The following MMEL1 variants were observed in gnomAD, a reference collection of about 807,000 sequenced individuals.
MMEL1 encodes the protein membrane metallo-endopeptidase-like 1.
MMEL1 carries 98 observed loss-of-function variants against 117.1 expected under a neutral mutation model. The ratio of observed to expected loss-of-function variants is 0.84; its 90% CI spans 0.71 to 0.99. MMEL1 has a LOEUF of 0.99. Ranked by LOEUF, MMEL1 falls within the 50% of genes least tolerant of loss-of-function variation. MMEL1 has a pLI of 0.00. For synonymous variants in MMEL1, 390 were observed against 415.1 expected (o/e 0.94, Z 0.74); for missense variants, 1,014 against 1,049.1 (o/e 0.97, Z 0.46).
chr1:2,598,154 G>C, intron 13 of MMEL1, 53 bp downstream of exon 13: 3 of 1,504,174 alleles, frequency 2.0e-6, no homozygotes, highest in Non-Finnish European at 2.8e-6. Context: ...GCTCAGCATC[G>C]TGGCCTGAAT....
rs925860743 is a variant in MMEL1, at chr1:2,612,466, CCA to C, written c.155-264_155-263del. Among the ~76,000 whole-genome samples the C allele has an allele frequency of 3.2e-4, 49 of 152,246 alleles. No homozygotes were observed. The highest frequency in any genetic ancestry group is 1.1e-3 in the African/African-American group (44 of 41,528). On this transcript the variant is annotated intron_variant, in intron 2 of 23. Coordinates refer to ENST00000378412, the MANE Select transcript of MMEL1 (RefSeq NM_033467.4). This position sits in a 1 kb window ranked among gnomAD's most constrained non-coding sequence, Gnocchi z 5.4. Reference sequence around the variant, plus strand: ...CCAGCCCCACCCTTTAATTCTCCCTCCACCCACCCCAAGGTCCCCGATGTGCC... The same window carrying C: ...CCAGCCCCACCCTTTAATTCTCCCTCCCCACCCCAAGGTCCCCGATGTGCC...
intron 13 of MMEL1, 64 bp from the exon 14 acceptor site, chr1:2,596,753 C>T (rs1412182204): frequency 2.5e-6 from 4 of 1,592,562 alleles, no homozygotes; most frequent in African/African-American, 2.7e-5. Context: ...TGGCGTGGGG[C>T]CCTGGGCTTA....
chr1:2,618,746 A>G (rs1645242992), intron 2 of MMEL1, among the ~76,000 whole-genome samples: 1 of 152,256 alleles, frequency 6.6e-6, no homozygotes, highest in Admixed American at 6.5e-5. Flanking sequence ...TCTCAGCCCA[A>G]TAACACAGGA....
intron 6 of MMEL1, among the ~76,000 whole-genome samples, chr1:2,608,672 TACAC>T (rs1327330149): frequency 6.6e-6 from 1 of 151,538 alleles, no homozygotes; most frequent in Non-Finnish European, 1.5e-5. Flanking sequence ...ACCCATAGAA[TACAC>T]ACATATACAC....
In MMEL1 at chr1:2,612,363, T is replaced by C; in HGVS notation, c.155-159A>G. ...GTCCCCAGGGCAGCGAGACAGGAGA[T>C]CCACAGAGTTCACTGCAGGGGCCAG... is the stretch of plus-strand genomic sequence containing the variant. On this transcript the variant is annotated intron_variant, in intron 2 of 23. Transcript: ENST00000378412. The surrounding 1 kb of genome is among the most constrained non-coding windows in gnomAD (Gnocchi z 5.4). Among the ~76,000 whole-genome samples, 1 of 152,076 alleles carries C rather than the reference T, an allele frequency of 6.6e-6. No individual in the cohort carries two copies.
chr1:2,607,050 G>T lies in MMEL1; in HGVS notation c.555C>A (p.Gly185=). The change falls in exon 7 of 24, where the codon GGC becomes GGA. Residue 185 remains glycine (G), a synonymous_variant. Transcript: ENST00000378412. ...CMNQSVIEKR[G]SQPLLDILEV... ...CCAAGATGTCCAGCAGGGGCTGAGAGCCTCGCTTCTCTATCACACCTGAGA... is the reference window on the plus strand; with the variant it reads ...CCAAGATGTCCAGCAGGGGCTGAGATCCTCGCTTCTCTATCACACCTGAGA... 1 of 1,613,218 alleles carries T rather than the reference G, an allele frequency of 6.2e-7. No homozygotes were observed.
At position 2,595,614 on chromosome 1, in the gene MMEL1, C is replaced by T. The variant is rs1042739675; in HGVS notation, c.1501-255G>A. On this transcript the variant is annotated intron_variant, in intron 15 of 23. Transcript: ENST00000378412. This position sits in a 1 kb window ranked among gnomAD's most constrained non-coding sequence, Gnocchi z 4.8. ...AGAGCCCAACAGCCCGCCAGGGGTC[C>T]GGGTGGGGGCAGGGGCCCTGGAGGG... Among the ~76,000 whole-genome samples the T allele has an allele frequency of 5.3e-5, 8 of 152,192 alleles. No individual in the cohort carries two copies. Among genetic ancestry groups the T allele is most frequent in the Admixed American group, 2.0e-4 (3 of 15,300 alleles).
intron 11 of MMEL1, among the ~76,000 whole-genome samples, 154 bp downstream of exon 11, chr1:2,603,730 G>T (rs915014397): frequency 6.6e-6 from 1 of 152,194 alleles, no homozygotes; most frequent in East Asian, 1.9e-4. Context: ...TCTGCAGCAA[G>T]TTTGGGTGAT....
rs754347001 is a variant in MMEL1, at chr1:2,591,077, C to T, written c.2253G>A (p.Ser751=). The T allele has an allele frequency of 2.1e-5, 34 of 1,600,146 alleles. No homozygotes were observed. The highest frequency in any genetic ancestry group is 7.9e-5 in the South Asian group (7 of 88,456). Residue 751 remains serine (S), a synonymous_variant, in exon 24 of 24, where the codon TCG becomes TCA. Coordinates refer to ENST00000378412, the MANE Select transcript of MMEL1 (RefSeq NM_033467.4). ...CTGCGAAGGCGGCCAGGTTCTGCAG[C>T]GACCCCAGTACCCTGTGGGTGGGTG... is the stretch of plus-strand genomic sequence containing the variant. The part of the protein sequence containing the change: ...HSPLKYRVLG[S]LQNLAAFADT...
rs542433787 is a variant in MMEL1, at chr1:2,607,885, C to T, written c.536-816G>A. ...AGGCTGCCTGTGATGAGGCAGGCCC[C>T]GGCTGTTAGGGGCCGGATGCCGTGG... On this transcript the variant is annotated intron_variant, in intron 6 of 23. Coordinates refer to ENST00000378412, the MANE Select transcript of MMEL1 (RefSeq NM_033467.4). Among the ~76,000 whole-genome samples the T allele has an allele frequency of 3.9e-5, 6 of 152,164 alleles. No individual in the cohort carries two copies. The South Asian group carries it at 8.3e-4, about 21-fold the overall frequency.
At chr1:2,597,300 CT>C (rs570297609) in intron 13 of MMEL1, among the ~76,000 whole-genome samples, 8 of 151,960 alleles carry the variant, frequency 5.3e-5, no homozygotes, top group Non-Finnish European at 1.0e-4. Context: ...CAGTGCCCCC[CT>C]GACGCTTGAC....
intron 9 of MMEL1, among the ~76,000 whole-genome samples, chr1:2,605,331 G>A (rs1557536088): frequency 6.6e-6 from 1 of 152,188 alleles, no homozygotes; most frequent in Non-Finnish European, 1.5e-5. Flanking sequence ...CTGCTGAGCT[G>A]AGCTTGTCCC....
At chr1:2,616,828 A>G (rs1645208627) in intron 2 of MMEL1, among the ~76,000 whole-genome samples, 2 of 152,230 alleles carry the variant, frequency 1.3e-5, no homozygotes, top group South Asian at 4.1e-4. Context: ...TCATGCCTGC[A>G]TCCTGCCTCT....
At chr1:2,626,990 GAAAGAGACACATCT>G (rs1417459017) in intron 2 of MMEL1, among the ~76,000 whole-genome samples, 1 of 152,176 alleles carries the variant, frequency 6.6e-6, no homozygotes, top group African/African-American at 2.4e-5. Context: ...ATACACGATT[GAAAGAGACACATCT>G]AAAGCTAAGG....
At chr1:2,622,192 A>G (rs1645300135) in intron 2 of MMEL1, among the ~76,000 whole-genome samples, 1 of 152,180 alleles carries the variant, frequency 6.6e-6, no homozygotes, top group African/African-American at 2.4e-5. Flanking sequence ...CAATGTCTGG[A>G]TTTGTAACAA....
chr1:2,617,608 GA>G (rs1371298342), intron 2 of MMEL1, among the ~76,000 whole-genome samples: 1 of 152,064 alleles, frequency 6.6e-6, no homozygotes, highest in Non-Finnish European at 1.5e-5. Context: ...TCAAAAAAAA[GA>G]AGCTTGTGAG....
chr1:2,623,934 G>A (rs1331696540), intron 2 of MMEL1, among the ~76,000 whole-genome samples: 3 of 152,226 alleles, frequency 2.0e-5, no homozygotes, highest in East Asian at 3.8e-4. Flanking sequence ...GCCCATGGAA[G>A]GGCAGGAGAT....
At chr1:2,615,248 G>A (rs529700563) in intron 2 of MMEL1, among the ~76,000 whole-genome samples, 13 of 152,226 alleles carry the variant, frequency 8.5e-5, no homozygotes, top group Admixed American at 2.6e-4. Flanking sequence ...AACTTGCAGC[G>A]CAGAAACCAG....
At chr1:2,604,436 G>A (rs1470719648) in intron 9 of MMEL1, among the ~76,000 whole-genome samples, 155 bp from the exon 10 acceptor site, 1 of 152,206 alleles carries the variant, frequency 6.6e-6, no homozygotes, top group Non-Finnish European at 1.5e-5. Context: ...ACAGAGTGCC[G>A]AGTGGGAGCG....
Sources: gnomAD v4.1 joint callset for allele counts (sites outside exome capture counted in the v4.1 genomes callset) on GRCh38, gnomAD v4.1.1 for gene constraint, Gnocchi (gnomAD v3.1) non-coding constraint, MANE v1.5 for transcripts, NCBI Gene and HGNC (gene_info 2026-07-23, HGNC 2026-07-21) for gene names.